VPS53: variants seen among roughly 807,000 people sequenced by gnomAD.
VPS53 encodes vacuolar protein sorting-associated protein 53 homolog.
Under a neutral mutation model 107.0 loss-of-function variants are expected in VPS53, and 70 were observed. The observed-to-expected ratio is 0.65, with a 90% CI of 0.54 to 0.80. VPS53 has a LOEUF of 0.80. Among genes scored for constraint, VPS53 ranks in the 30% least tolerant of loss-of-function variants. VPS53 has a pLI of 0.00. For synonymous variants in VPS53, 409 were observed against 393.3 expected (o/e 1.04, Z -0.47); for missense variants, 917 against 1,049.4 (o/e 0.87, Z 1.74).
At chr17:624,923 C>T (rs1166939230) in intron 10 of VPS53, among the ~76,000 whole-genome samples, 1 of 150,772 alleles carries the variant, frequency 6.6e-6, no homozygotes, top group African/African-American at 2.4e-5. Flanking sequence ...CTTTCTTTTT[C>T]CCTTCCACTC....
chr17:558,382 C>A (rs570485249), intron 15 of VPS53, among the ~76,000 whole-genome samples: 11 of 152,132 alleles, frequency 7.2e-5, no homozygotes, highest in Non-Finnish European at 1.0e-4. Flanking sequence ...GTCTGTAATC[C>A]CAGCACTTTG....
At chr17:685,539 G>A (rs935705546) in intron 4 of VPS53, among the ~76,000 whole-genome samples, 3 of 152,174 alleles carry the variant, frequency 2.0e-5, no homozygotes, top group Non-Finnish European at 4.4e-5. Context: ...GTAGCCTAAT[G>A]TAAGTGTTCT....
chr17:664,110 A>G (rs838374), intron 4 of VPS53, among the ~76,000 whole-genome samples: 149,120 of 152,064 alleles, frequency 0.98, 73,136 homozygotes, highest in East Asian at 1. Context: ...ATGGAGTCTC[A>G]CTCTGTTGCC....
intron 12 of VPS53, among the ~76,000 whole-genome samples, chr17:598,294 G>A (rs1244613867): frequency 3.3e-5 from 5 of 151,640 alleles, no homozygotes; most frequent in African/African-American, 4.9e-5. Context: ...GTGCAGGGGC[G>A]TGATCTCAGC....
chr17:640,382 T>C (rs1169839447), intron 7 of VPS53, among the ~76,000 whole-genome samples: 2 of 152,110 alleles, frequency 1.3e-5, no homozygotes, highest in Non-Finnish European at 2.9e-5. Context: ...CTTCAGCTCA[T>C]GTTTGGTGGG....
chr17:562,810 G>C (rs1007379753), intron 13 of VPS53, 65 bp from the exon 14 acceptor site: 4 of 1,539,932 alleles, frequency 2.6e-6, no homozygotes, highest in Non-Finnish European at 3.5e-6. Context: ...AAATGTGCTC[G>C]TTTGCAATGT....
At chr17:684,677 T>G (rs1342795264) in intron 4 of VPS53, among the ~76,000 whole-genome samples, 2 of 152,122 alleles carry the variant, frequency 1.3e-5, no homozygotes, top group East Asian at 3.9e-4. Context: ...AGAGATTTCC[T>G]TTTTTTCTTT....
intron 13 of VPS53, among the ~76,000 whole-genome samples, chr17:582,163 T>C (rs201758644): frequency 0.013 from 1,696 of 134,966 alleles, 11 homozygotes; most frequent in East Asian, 0.088. Context: ...GAACCTAATG[T>C]GTTCCCAGAG....
rs968264844 is a variant in VPS53 at position 520,481 on chromosome 17, T to C, written c.2224-551A>G. On this transcript the variant is annotated intron_variant, in intron 20 of 21. Coordinates refer to ENST00000437048, the MANE Select transcript of VPS53 (RefSeq NM_001128159.3). This position sits in a 1 kb window ranked among gnomAD's most constrained non-coding sequence, Gnocchi z 4.4. The stretch of plus-strand genomic sequence containing the variant: ...AAAATGCCAAAGCTGCCTCACCTTT[T>C]GGAGACTTAAAATCTGTAACTTCAT... Among the ~76,000 whole-genome samples the C allele has an allele frequency of 6.6e-6, 1 of 152,226 alleles. No homozygotes were observed. Among genetic ancestry groups the C allele is most frequent in the African/African-American group, 2.4e-5 (1 of 41,456 alleles).
intron 7 of VPS53, chr17:632,748 G>C (rs1181429655): frequency 4.4e-6 from 2 of 456,242 alleles, no homozygotes; most frequent in East Asian, 6.9e-5. Flanking sequence ...ACCCACATGA[G>C]TGAGAACATG....
At chr17:596,966 G>A (rs979624026) in intron 12 of VPS53, among the ~76,000 whole-genome samples, 17 of 152,178 alleles carry the variant, frequency 1.1e-4, no homozygotes, top group Non-Finnish European at 1.3e-4. Flanking sequence ...ACTACCCAAT[G>A]TAAACAGATT....
intron 11 of VPS53, among the ~76,000 whole-genome samples, chr17:617,248 G>A (rs960153763): frequency 2.6e-5 from 4 of 152,168 alleles, no homozygotes; most frequent in African/African-American, 9.7e-5. Context: ...TGAATCCAGT[G>A]CCACATATAT....
At chr17:661,949 C>T in intron 4 of VPS53, 54 bp from the exon 5 acceptor site, 2 of 1,408,082 alleles carry the variant, frequency 1.4e-6, no homozygotes, top group Non-Finnish European at 2.0e-6. Flanking sequence ...CAGCTCCAGT[C>T]ACTAACTGTA....
chr17:707,982 G>C lies in VPS53; in HGVS notation c.168+2551C>G, dbSNP rs191743966. On this transcript the variant is annotated intron_variant, in intron 2 of 21. Transcript: ENST00000437048. ...CTCTCCCTCCTCAGCCTCATCTCCT[G>C]TGAGTCTCTGCTCACTGTGCACATC... 4.8e-3 allele frequency among the ~76,000 whole-genome samples: 732 copies of C among 152,246 alleles called. 5 individuals are homozygous for C. Among genetic ancestry groups the C allele is most frequent in the African/African-American group, 0.017 (698 of 41,564 alleles).
intron 2 of VPS53, 130 bp from the exon 3 acceptor site, chr17:699,510 C>A (rs1397462254): frequency 4.7e-6 from 3 of 634,864 alleles, no homozygotes; most frequent in African/African-American, 3.9e-5. Flanking sequence ...ATGAGTTTTG[C>A]TTTAAAAAAA....
At chr17:553,936 G>A (rs1346972070) in intron 15 of VPS53, among the ~76,000 whole-genome samples, 1 of 152,028 alleles carries the variant, frequency 6.6e-6, no homozygotes, top group African/African-American at 2.4e-5. Context: ...GAAAAATAGA[G>A]GGGGGGCCTA....
intron 19 of VPS53, among the ~76,000 whole-genome samples, chr17:528,895 G>A (rs1909316033): frequency 6.6e-6 from 1 of 152,078 alleles, no homozygotes; most frequent in Non-Finnish European, 1.5e-5. Flanking sequence ...CATGCACCCT[G>A]CCTTTTTCAA....
rs1050981048 is a variant in VPS53 at position 631,599 on chromosome 17, T to C, written c.638A>G (p.Gln213Arg). Reference protein sequence around the residue: ...RVKAAQTELGQQILADFEEAF... With the variant: ...RVKAAQTELGRQILADFEEAF... ...TTCTTCAAAATCTGCCAGGATTTGCTGTCCTAACTCAGTCTGTGCAGCCTT... is the reference window on the plus strand; with the variant it reads ...TTCTTCAAAATCTGCCAGGATTTGCCGTCCTAACTCAGTCTGTGCAGCCTT... The change falls in exon 8 of 22, where the codon CAG (glutamine) becomes CGG (arginine). Residue 213 changes from glutamine (Q) to arginine (R), a missense_variant. By Grantham distance (43) the Gln-to-Arg change is conservative (BLOSUM62 1). Transcript: ENST00000437048. 6.2e-7 allele frequency: 1 copy of C among 1,614,132 alleles called. No homozygotes were observed. Among genetic ancestry groups the C allele is most frequent in the Non-Finnish European group, 8.5e-7 (1 of 1,179,994 alleles).
At chr17:661,202 AG>A (rs1415451198) in intron 5 of VPS53, among the ~76,000 whole-genome samples, 1 of 151,992 alleles carries the variant, frequency 6.6e-6, no homozygotes, top group Non-Finnish European at 1.5e-5. Flanking sequence ...CAAAATGACT[AG>A]GAAACTATTT....
Sources: gnomAD v4.1 joint callset for allele counts (sites outside exome capture counted in the v4.1 genomes callset) on GRCh38, gnomAD v4.1.1 for gene constraint, Gnocchi (gnomAD v3.1) non-coding constraint, MANE v1.5 for transcripts, NCBI Gene and HGNC (gene_info 2026-07-23, HGNC 2026-07-21) for gene names.